The following NFIB variants were observed in gnomAD, a reference collection of about 807,000 sequenced individuals.
The protein encoded by NFIB is nuclear factor 1 B-type.
A neutral mutation model predicts 61.5 loss-of-function variants in NFIB; 11 were observed. The observed-to-expected ratio is 0.18, with a 90% CI of 0.11 to 0.30. The LOEUF is 0.30. NFIB is among the 10% of genes least tolerant of loss of function. The pLI, the probability that NFIB is intolerant of heterozygous loss-of-function variation, is 1.00. For synonymous variants in NFIB, 260 were observed against 216.5 expected, an observed-to-expected ratio of 1.20 and a Z score of -1.76; for missense variants, 471 against 608.9, an observed-to-expected ratio of 0.77 and a Z score of 2.38.
chr9:14,438,867 A>G, the NFIB span, among the ~76,000 whole-genome samples: 1 of 152,128 alleles, frequency 6.6e-6, no homozygotes, highest in Non-Finnish European at 1.5e-5. Flanking sequence ...TGGCAACAGG[A>G]CGCCCGAGGA....
chr9:14,287,258 C>T (rs1337007903), intron 2 of NFIB, among the ~76,000 whole-genome samples: 3 of 151,500 alleles, frequency 2.0e-5, no homozygotes, highest in East Asian at 2.0e-4. Flanking sequence ...GGTGAAACCC[C>T]GTCTCTACTA....
chr9:14,482,893 C>T, the NFIB span, among the ~76,000 whole-genome samples: 12 of 152,140 alleles, frequency 7.9e-5, no homozygotes, highest in South Asian at 2.1e-4. Flanking sequence ...AAATAAAGGA[C>T]TTTTTATTGA....
chr9:14,516,034 T>C, the NFIB span, among the ~76,000 whole-genome samples: 1 of 152,236 alleles, frequency 6.6e-6, no homozygotes, highest in Non-Finnish European at 1.5e-5. Context: ...CCAAAGCCAT[T>C]GGCGAGCACC....
chr9:14,528,837 T>G, the NFIB span, among the ~76,000 whole-genome samples: 1,191 of 152,232 alleles, frequency 7.8e-3, 24 homozygotes, highest in African/African-American at 0.028. Flanking sequence ...AGGAAACATA[T>G]AGCATCATCA....
chr9:14,232,096 T>C (rs1164831166), intron 2 of NFIB, among the ~76,000 whole-genome samples: 4 of 152,198 alleles, frequency 2.6e-5, no homozygotes, highest in Non-Finnish European at 5.9e-5. Context: ...GTTGTTGTTC[T>C]GTTTTTGATT....
intron 6 of NFIB, among the ~76,000 whole-genome samples, chr9:14,138,132 C>T (rs994694744): frequency 6.6e-6 from 1 of 152,076 alleles, no homozygotes; most frequent in Non-Finnish European, 1.5e-5. Flanking sequence ...TGATGAGTTT[C>T]TTAAGCATGA....
At chr9:14,337,337 T>C (rs928383826) in intron 1 of NFIB, among the ~76,000 whole-genome samples, 3 of 152,194 alleles carry the variant, frequency 2.0e-5, no homozygotes, top group Non-Finnish European at 2.9e-5. Flanking sequence ...AAAGGATACA[T>C]GCAGTATGAT....
At chr9:14,363,534 C>A (rs570342689) in intron 1 of NFIB, among the ~76,000 whole-genome samples, 1 of 152,070 alleles carries the variant, frequency 6.6e-6, no homozygotes, top group African/African-American at 2.4e-5. Flanking sequence ...TTTCTGAAGA[C>A]CCAGCCATAG....
At chr9:14,300,211 G>T (rs1348774374) in intron 2 of NFIB, 1 of 398,386 alleles carries the variant, frequency 2.5e-6, no homozygotes, top group Non-Finnish European at 4.4e-6. Context: ...AAGTGAGCAT[G>T]ATCAGAAGGA....
chr9:14,286,582 C>A (rs1008702461), intron 2 of NFIB, among the ~76,000 whole-genome samples: 1 of 152,180 alleles, frequency 6.6e-6, no homozygotes, highest in Non-Finnish European at 1.5e-5. Flanking sequence ...TGTATAATCA[C>A]TACCATTACT....
At chr9:14,312,529 A>G (rs1210726953) in intron 1 of NFIB, among the ~76,000 whole-genome samples, 4 of 152,210 alleles carry the variant, frequency 2.6e-5, no homozygotes, top group Non-Finnish European at 4.4e-5. Flanking sequence ...TTACTTTGTC[A>G]GTTGTTAGTT....
At chr9:14,516,606 ATCTC>A in the NFIB span, among the ~76,000 whole-genome samples, 1 of 152,200 alleles carries the variant, frequency 6.6e-6, no homozygotes, top group Admixed American at 6.5e-5. Flanking sequence ...CCGGTCCTTA[ATCTC>A]TCTTAGTTTT....
chr9:14,123,111 G>T (rs1207618803), intron 7 of NFIB, among the ~76,000 whole-genome samples: 1 of 151,748 alleles, frequency 6.6e-6, no homozygotes, highest in Non-Finnish European at 1.5e-5. Context: ...ACAAAAATTA[G>T]CTGAGCGGGG....
chr9:14,199,674 T>A (rs1389531799), intron 2 of NFIB, among the ~76,000 whole-genome samples: 1 of 152,250 alleles, frequency 6.6e-6, no homozygotes, highest in African/African-American at 2.4e-5. Flanking sequence ...TGGTTTTAGC[T>A]AATAAGACTT....
intron 3 of NFIB, among the ~76,000 whole-genome samples, chr9:14,176,565 TTAAA>T (rs1220460006): frequency 1.3e-5 from 2 of 152,168 alleles, no homozygotes; most frequent in East Asian, 1.9e-4. Context: ...AAAAAATTAC[TTAAA>T]TATTTTATAA....
intron 1 of NFIB, among the ~76,000 whole-genome samples, chr9:14,384,772 A>G (rs1021135013): frequency 2.0e-5 from 3 of 151,906 alleles, no homozygotes; most frequent in African/African-American, 7.3e-5. Context: ...CCTCTCTTTC[A>G]TACCCTTTTC....
intron 1 of NFIB, among the ~76,000 whole-genome samples, chr9:14,374,753 T>C (rs1350012922): frequency 6.6e-6 from 1 of 151,856 alleles, no homozygotes; most frequent in Non-Finnish European, 1.5e-5. Context: ...CTACTAAAAA[T>C]ACAAAAATTA....
intron 9 of NFIB, among the ~76,000 whole-genome samples, chr9:14,114,119 T>C (rs956362414): frequency 6.6e-6 from 1 of 152,228 alleles, no homozygotes; most frequent in African/African-American, 2.4e-5. Flanking sequence ...CTAAAACCAA[T>C]ATATTAATTC....
At chr9:14,154,898 G>A (rs907054178) in intron 4 of NFIB, among the ~76,000 whole-genome samples, 10 of 152,038 alleles carry the variant, frequency 6.6e-5, no homozygotes, top group African/African-American at 2.2e-4. Context: ...TCAGTAACTC[G>A]ATTACTCTTT....
Sources: allele counts gnomAD v4.1 joint callset (sites outside exome capture counted in the v4.1 genomes callset), GRCh38; gene constraint gnomAD v4.1.1; transcripts MANE v1.5; gene names NCBI Gene and HGNC (gene_info 2026-07-23, HGNC 2026-07-21).